Variants in EPHB2 observed in about 807,000 individuals in gnomAD.
EPHB2 encodes ephrin type-B receptor 2.
Under a neutral mutation model 96.4 loss-of-function variants are expected in EPHB2, and 18 were observed. The ratio of observed to expected loss-of-function variants is 0.19; its 90% CI spans 0.13 to 0.28. The LOEUF (loss-of-function observed/expected upper bound fraction) is 0.28, where lower values mean the gene tolerates loss of function less well. Ranked by LOEUF, EPHB2 falls within the 10% of genes least tolerant of loss-of-function variation. EPHB2 has a pLI of 1.00. For missense variants in EPHB2, 989 were observed against 1,355.4 expected (o/e 0.73, Z 4.25); for synonymous variants, 506 against 534.1 (o/e 0.95, Z 0.72).
chr1:22,882,679 T>A, intron 6 of EPHB2, 196 bp downstream of exon 6: 1 of 720,326 alleles, frequency 1.4e-6, no homozygotes, highest in Non-Finnish European at 2.2e-6. Flanking sequence ...GGCAGGTGCC[T>A]TGACCTCTCT....
chr1:22,885,289 G>C (rs930563154), intron 6 of EPHB2, among the ~76,000 whole-genome samples: 1 of 152,186 alleles, frequency 6.6e-6, no homozygotes, highest in African/African-American at 2.4e-5. Flanking sequence ...CCCCAAAGAC[G>C]GGCAACGGAA....
intron 1 of EPHB2, among the ~76,000 whole-genome samples, chr1:22,761,196 A>G (rs1374870281): frequency 6.6e-6 from 1 of 152,214 alleles, no homozygotes; most frequent in Non-Finnish European, 1.5e-5. Context: ...GCCTGAGTCC[A>G]TTGTGATGCA....
chr1:22,830,370 G>A (rs1356345251), intron 3 of EPHB2, among the ~76,000 whole-genome samples: 1 of 152,136 alleles, frequency 6.6e-6, no homozygotes, highest in African/African-American at 2.4e-5. Flanking sequence ...TGCGCACCAG[G>A]GAAAGGGCCA....
intron 9 of EPHB2, among the ~76,000 whole-genome samples, chr1:22,899,388 C>T (rs1639676995): frequency 6.6e-6 from 1 of 151,410 alleles, no homozygotes; most frequent in Admixed American, 6.6e-5. Flanking sequence ...GTAATCCCAG[C>T]TACTTCAGAG....
rs1638222566 is a variant in EPHB2, at chr1:22,860,885, TCATC to T, written c.812-2149_812-2146del. ...GTGCCAAGATGGTGAGGCTGCCCCT[TCATC>T]CAGCCATCAGGGAAAGGTCGGTGCC... On this transcript the variant is annotated intron_variant, in intron 3 of 15. Coordinates refer to ENST00000374630, the MANE Select transcript of EPHB2 (RefSeq NM_017449.5). This position sits in a 1 kb window ranked among gnomAD's most constrained non-coding sequence, Gnocchi z 4.6. Among the ~76,000 whole-genome samples the T allele has an allele frequency of 6.6e-6, 1 of 152,056 alleles. No homozygotes were observed. The highest frequency in any genetic ancestry group is 1.5e-5 in the Non-Finnish European group (1 of 68,010).
rs774815177 is a variant in EPHB2 at position 22,784,526 on chromosome 1, C to T, written c.261C>T (p.His87=). ...FIRRRGAHRI[H]VEMKFSVRDC... is the part of the protein sequence containing the mutation. ...GGCGCCGTGGCGCCCACCGCATCCA[C>T]GTGGAGATGAAGTTTTCGGTGCGTG... The change falls in exon 3 of 16, where the codon CAC becomes CAT. Residue 87 remains histidine, a synonymous_variant. Coordinates refer to ENST00000374630, the MANE Select transcript of EPHB2 (RefSeq NM_017449.5). This position sits in a 1 kb window ranked among gnomAD's most constrained non-coding sequence, Gnocchi z 5.1. 19 of 1,613,770 alleles carry T rather than the reference C, an allele frequency of 1.2e-5. No individual in the cohort carries two copies. In the Admixed American group the frequency reaches 2.2e-4, roughly 18 times the overall value.
At chr1:22,829,246 G>A (rs1570351488) in intron 3 of EPHB2, among the ~76,000 whole-genome samples, 1 of 152,262 alleles carries the variant, frequency 6.6e-6, no homozygotes, top group South Asian at 2.1e-4. Flanking sequence ...GCCTTGGCAG[G>A]GAAGGTGGGA....
chr1:22,894,154 C>T (rs765778463), intron 7 of EPHB2, among the ~76,000 whole-genome samples: 2 of 152,162 alleles, frequency 1.3e-5, no homozygotes, highest in Non-Finnish European at 2.9e-5. Context: ...GTGTCATTGA[C>T]TGGGAACTAG....
chr1:22,877,611 G>A lies in EPHB2; in HGVS notation c.1304-4748G>A, dbSNP rs573160428. Among the ~76,000 whole-genome samples the A allele has an allele frequency of 2.6e-5, 4 of 152,276 alleles. No homozygotes were observed. The South Asian group carries it at 6.2e-4, about 24-fold the overall frequency. On this transcript the variant is annotated intron_variant, in intron 5 of 15. Transcript: ENST00000374630. Reference sequence around the variant, plus strand: ...CCAAGACCCTCTGAGCTCCAGGGCCGTATATAAAGAGTGTAGCCCAGGCAG... The same window carrying A: ...CCAAGACCCTCTGAGCTCCAGGGCCATATATAAAGAGTGTAGCCCAGGCAG...
intron 3 of EPHB2, among the ~76,000 whole-genome samples, chr1:22,844,615 GA>G (rs1447510586): frequency 6.6e-6 from 1 of 152,234 alleles, no homozygotes; most frequent in African/African-American, 2.4e-5. Flanking sequence ...CTGAGGCACA[GA>G]AAAGTTATAT....
chr1:22,755,904 T>C (rs1644142461), intron 1 of EPHB2, among the ~76,000 whole-genome samples: 2 of 152,150 alleles, frequency 1.3e-5, no homozygotes, highest in Non-Finnish European at 2.9e-5. Flanking sequence ...TGCCTGCAAT[T>C]TGTGTGGCTC....
intron 3 of EPHB2, among the ~76,000 whole-genome samples, chr1:22,832,782 G>T (rs1443192975): frequency 6.6e-6 from 1 of 152,092 alleles, no homozygotes. Flanking sequence ...GACTTTGAGG[G>T]TTCAGCCAAT....
intron 5 of EPHB2, among the ~76,000 whole-genome samples, chr1:22,878,193 C>A (rs181035239): frequency 1.0e-3 from 157 of 152,326 alleles, no homozygotes; most frequent in Non-Finnish European, 2.6e-4. Context: ...GCAGCCCCTG[C>A]TGAAATCCCT....
At chr1:22,792,137 G>T (rs556795770) in intron 3 of EPHB2, among the ~76,000 whole-genome samples, 1 of 151,954 alleles carries the variant, frequency 6.6e-6, no homozygotes, top group South Asian at 2.1e-4. Flanking sequence ...CCTGCTTTCA[G>T]CTCGAGCCCT....
intron 2 of EPHB2, 102 bp downstream of exon 2, chr1:22,781,587 T>A: frequency 8.3e-7 from 1 of 1,210,262 alleles, no homozygotes; most frequent in Non-Finnish European, 1.2e-6. Flanking sequence ...TTCCCCCTCT[T>A]CAGGACCCAG....
intron 9 of EPHB2, among the ~76,000 whole-genome samples, chr1:22,901,175 C>T (rs1443864416): frequency 6.6e-6 from 1 of 152,204 alleles, no homozygotes; most frequent in Non-Finnish European, 1.5e-5. Context: ...ATAGCCAGCT[C>T]TTCTTTGCAA....
At chr1:22,837,348 C>T (rs1645400584) in intron 3 of EPHB2, among the ~76,000 whole-genome samples, 2 of 152,114 alleles carry the variant, frequency 1.3e-5, no homozygotes, top group South Asian at 2.1e-4. Context: ...CACATAGATG[C>T]CTGCTTTCCT....
chr1:22,913,836 A>G lies in EPHB2; in HGVS notation c.*266A>G, dbSNP rs2124154365. 6.2e-7 allele frequency: 1 copy of G among 1,610,412 alleles called. No homozygotes were observed. On this transcript the variant is annotated 3_prime_UTR_variant, in exon 16 of 16. Transcript: ENST00000374630. This position sits in a 1 kb window ranked among gnomAD's most constrained non-coding sequence, Gnocchi z 4.1. ...GGAATATTTTTTAAAGAGGATTCTCATAAGGAAAGCAATGACTGTTCTTGC... is the reference window on the plus strand; with the variant it reads ...GGAATATTTTTTAAAGAGGATTCTCGTAAGGAAAGCAATGACTGTTCTTGC...
At chr1:22,719,865 C>A (rs1643402718) in intron 1 of EPHB2, among the ~76,000 whole-genome samples, 2 of 152,160 alleles carry the variant, frequency 1.3e-5, no homozygotes, top group African/African-American at 4.8e-5. Flanking sequence ...AGCAAGCCAC[C>A]ACAAAACCTA....
Sources: gnomAD v4.1 joint callset for allele counts (sites outside exome capture counted in the v4.1 genomes callset) on GRCh38, gnomAD v4.1.1 for gene constraint, Gnocchi (gnomAD v3.1) non-coding constraint, MANE v1.5 for transcripts, NCBI Gene and HGNC (gene_info 2026-07-23, HGNC 2026-07-21) for gene names.